Variants in ENTPD4 observed in about 807,000 individuals in gnomAD.
The protein encoded by ENTPD4 is Golgi UDPase.
In ENTPD4, 60 loss-of-function variants were observed where a neutral mutation model predicts 79.1. That is an observed-to-expected ratio of 0.76 (90% CI 0.62 to 0.94). The LOEUF (loss-of-function observed/expected upper bound fraction) is 0.94, where lower values mean the gene tolerates loss of function less well. Among genes scored for constraint, ENTPD4 ranks in the 40% least tolerant of loss-of-function variants. ENTPD4 has a pLI of 0.00. For synonymous variants in ENTPD4, 276 were observed against 292.0 expected (o/e 0.95, Z 0.56); for missense variants, 772 against 775.1 (o/e 1.00, Z 0.05).
At chr8:23,435,000 G>C (rs917760095) in intron 11 of ENTPD4, among the ~76,000 whole-genome samples, 1 of 152,172 alleles carries the variant, frequency 6.6e-6, no homozygotes, top group African/African-American at 2.4e-5. Context: ...TTTTTAAAAA[G>C]CAACAGAAAA....
At chr8:23,452,033 T>C (rs1800871193) in intron 1 of ENTPD4, among the ~76,000 whole-genome samples, 1 of 152,264 alleles carries the variant, frequency 6.6e-6, no homozygotes, top group Admixed American at 6.5e-5. Flanking sequence ...CAGATACTAT[T>C]ATCACAACAC....
At chr8:23,441,946 G>T in intron 7 of ENTPD4, 61 bp downstream of exon 7, 3 of 1,436,410 alleles carry the variant, frequency 2.1e-6, no homozygotes, top group Non-Finnish European at 2.9e-6. Flanking sequence ...TTCAGCCTTT[G>T]GATTAAACAG....
chr8:23,452,190 C>G (rs1162162743), intron 1 of ENTPD4, among the ~76,000 whole-genome samples: 1 of 152,184 alleles, frequency 6.6e-6, no homozygotes, highest in East Asian at 1.9e-4. Context: ...GTCTCTTCCC[C>G]CAGAATGGGA....
chr8:23,433,246 G>C (rs1800493287), intron 12 of ENTPD4, 92 bp from the exon 13 acceptor site: 4 of 1,071,732 alleles, frequency 3.7e-6, no homozygotes, highest in Non-Finnish European at 1.4e-6. Context: ...CCAGGCCCCA[G>C]AGCTGCACTT....
chr8:23,432,799 G>T lies in ENTPD4; in HGVS notation c.*127C>A. 6.9e-7 allele frequency: 1 copy of T among 1,441,844 alleles called. No individual in the cohort carries two copies. The allele number at this position is 1,441,844 out of a possible 1,614,324, so 89.3% of individuals were successfully genotyped here. ...AGGCGTGAGCCACCGCGCTCGGCCT[G>T]CATTTTGTTTTTGTTTGGAGGAACA... On this transcript the variant is annotated 3_prime_UTR_variant, in exon 13 of 13. Coordinates refer to ENST00000358689, the MANE Select transcript of ENTPD4 (RefSeq NM_004901.5).
rs1324023201 is a variant in ENTPD4 at position 23,442,065 on chromosome 8, A to T, written c.669T>A (p.Gly223=). ...HAEVISGKQE[G]VYAWIGINFV... ...AATTAATGCCAATCCAAGCATACAC[A>T]CCTATAGACATTTTACAGGGTGAAG... The change falls in exon 7 of 13, where the codon GGT becomes GGA. Residue 223 remains glycine, a splice_region_variant and synonymous_variant. Transcript: ENST00000358689. The T allele has an allele frequency of 6.2e-7, 1 of 1,611,720 alleles. No homozygotes were observed. The highest frequency in any genetic ancestry group is 8.5e-7 in the Non-Finnish European group (1 of 1,178,040).
intron 6 of ENTPD4, among the ~76,000 whole-genome samples, chr8:23,442,616 G>A (rs1800693433): frequency 6.6e-6 from 1 of 151,842 alleles, no homozygotes; most frequent in Admixed American, 6.6e-5. Flanking sequence ...CCGGGAGGTG[G>A]AGGTTGCAGT....
intron 8 of ENTPD4, among the ~76,000 whole-genome samples, chr8:23,440,861 G>T (rs1446870995): frequency 6.6e-6 from 1 of 152,212 alleles, no homozygotes; most frequent in Non-Finnish European, 1.5e-5. Flanking sequence ...GTGAGGAGGA[G>T]GATGATGAAG....
chr8:23,441,773 G>T, intron 7 of ENTPD4, 50 bp from the exon 8 acceptor site: 1 of 1,586,398 alleles, frequency 6.3e-7, no homozygotes. Context: ...CCAGAGAACT[G>T]GGCTCTTCTG....
intron 1 of ENTPD4, among the ~76,000 whole-genome samples, chr8:23,452,357 G>A (rs1800879716): frequency 6.6e-6 from 1 of 152,112 alleles, no homozygotes; most frequent in Admixed American, 6.5e-5. Flanking sequence ...AAAACAAACA[G>A]GGAATCATAA....
rs529227070 is a variant in ENTPD4 at position 23,429,780 on chromosome 8, C to T, written c.*3146G>A. 4 of 985,346 alleles carry T rather than the reference C, an allele frequency of 4.1e-6. No individual in the cohort carries two copies. Among genetic ancestry groups the T allele is most frequent in the Admixed American group, 6.1e-5 (1 of 16,276 alleles). 61.0% of individuals were successfully genotyped at this position (985,346 alleles called of 1,614,324 possible). A position where few individuals can be genotyped will look rare whatever the true frequency, so the allele number is the denominator to read the frequency against. Reference sequence around the variant, plus strand: ...TCAGCCACCAGCAGCGTCTTCACTCCGCCCAGGTCAGAAAGCACTGCCTAA... The same window carrying T: ...TCAGCCACCAGCAGCGTCTTCACTCTGCCCAGGTCAGAAAGCACTGCCTAA... On this transcript the variant is annotated 3_prime_UTR_variant, in exon 13 of 13. Coordinates refer to ENST00000358689, the MANE Select transcript of ENTPD4 (RefSeq NM_004901.5).
At chr8:23,444,842 T>G (rs372814444) in intron 4 of ENTPD4, among the ~76,000 whole-genome samples, 1 of 152,114 alleles carries the variant, frequency 6.6e-6, no homozygotes, top group African/African-American at 2.4e-5. Flanking sequence ...CTGCTGTGTG[T>G]CACTGCCATG....
rs781047235 is a variant in ENTPD4 at position 23,435,423 on chromosome 8, A to G, written c.1429T>C (p.Tyr477His). The change falls in exon 11 of 13, where the codon TAC becomes CAC. Residue 477 changes from tyrosine to histidine, a missense_variant. Tyr to His is a moderately conservative substitution (Grantham distance 83, BLOSUM62 2). Coordinates refer to ENST00000358689, the MANE Select transcript of ENTPD4 (RefSeq NM_004901.5). Reference protein sequence around the residue: ...ILRERFDRGLYASHADLHRLK... With the variant: ...ILRERFDRGLHASHADLHRLK... ...CTGTGGAGGTCAGCATGAGAGGCGT[A>G]CAGTCCTCGGTCAAAGCGTTCCCGC... 6.6e-5 allele frequency: 106 copies of G among 1,613,960 alleles called. No homozygotes were observed. The highest frequency in any genetic ancestry group is 8.7e-5 in the Non-Finnish European group (103 of 1,179,948).
At position 23,430,940 on chromosome 8, in the gene ENTPD4, C is replaced by A. The variant is rs1380832149; in HGVS notation, c.*1986G>T. On this transcript the variant is annotated 3_prime_UTR_variant, in exon 13 of 13. Coordinates refer to ENST00000358689, the MANE Select transcript of ENTPD4 (RefSeq NM_004901.5). ...TCACCCCTTTCTTAACAACTTTGAC[C>A]ACGAAGCGCAAATACGATGCAGGTA... The A allele has an allele frequency of 2.0e-6, 2 of 985,298 alleles. No individual in the cohort carries two copies. The highest frequency in any genetic ancestry group is 3.5e-5 in the African/African-American group (2 of 57,230). 61.0% of individuals were successfully genotyped at this position (985,298 alleles called of 1,614,324 possible). A position where few individuals can be genotyped will look rare whatever the true frequency, so the allele number is the denominator to read the frequency against.
At chr8:23,435,341 A>T in intron 11 of ENTPD4, 51 bp downstream of exon 11, 1 of 1,339,444 alleles carries the variant, frequency 7.5e-7, no homozygotes, top group Non-Finnish European at 1.1e-6. Flanking sequence ...TGGGGCCAAC[A>T]CTGCATTATG....
chr8:23,432,881 A>AAAAATGGC lies in ENTPD4; in HGVS notation c.*37_*44dup. On this transcript the variant is annotated 3_prime_UTR_variant, in exon 13 of 13. Coordinates refer to ENST00000358689, the MANE Select transcript of ENTPD4 (RefSeq NM_004901.5). The stretch of plus-strand genomic sequence containing the variant: ...AAATAAAGAGGAGAAACCCTGAGGC[A>AAAAATGGC]AAAATGGCTTTTCCTTTTGAGTCTT... 6.7e-7 allele frequency: 1 copy of AAAAATGGC among 1,503,522 alleles called. No homozygotes were observed. Among genetic ancestry groups the AAAAATGGC allele is most frequent in the South Asian group, 1.3e-5 (1 of 78,132 alleles). 93.1% of individuals were successfully genotyped at this position (1,503,522 alleles called of 1,614,324 possible).
chr8:23,443,664 A>C (rs1172314098), intron 6 of ENTPD4, among the ~76,000 whole-genome samples, 186 bp downstream of exon 6: 1 of 152,272 alleles, frequency 6.6e-6, no homozygotes, highest in African/African-American at 2.4e-5. Context: ...CAGTGGCTTA[A>C]TGTTAGGGCA....
At chr8:23,457,283 GGC>G (rs1800975825) in intron 1 of ENTPD4, among the ~76,000 whole-genome samples, 1 of 151,896 alleles carries the variant, frequency 6.6e-6, no homozygotes, top group South Asian at 2.1e-4. Flanking sequence ...GGTCACCCGA[GGC>G]GCGCGACCGC....
rs1227644032 is a variant in ENTPD4, at chr8:23,454,218, AT to A, written c.-98+3338del. Among the ~76,000 whole-genome samples, 3 of 152,362 alleles carry A rather than the reference AT, an allele frequency of 2.0e-5. No homozygotes were observed. The East Asian group carries it at 5.8e-4, about 29-fold the overall frequency. On this transcript the variant is annotated intron_variant, in intron 1 of 12. Coordinates refer to ENST00000358689, the MANE Select transcript of ENTPD4 (RefSeq NM_004901.5). ...CAGGATCAAATACTTTTCCGAATATATTGAGAAAGCCTATCTTAAAAGCCTA... is the reference window on the plus strand; with the variant it reads ...CAGGATCAAATACTTTTCCGAATATATGAGAAAGCCTATCTTAAAAGCCTA...
Sources: gnomAD v4.1 joint callset for allele counts (sites outside exome capture counted in the v4.1 genomes callset) on GRCh38, gnomAD v4.1.1 for gene constraint, MANE v1.5 for transcripts, NCBI Gene and HGNC (gene_info 2026-07-23, HGNC 2026-07-21) for gene names.